Variants in SDHC observed in about 807,000 individuals in gnomAD.
SDHC encodes the protein succinate dehydrogenase complex subunit C.
Under a neutral mutation model 22.6 loss-of-function variants are expected in SDHC, and 11 were observed. The observed-to-expected ratio is 0.49, with a 90% CI of 0.31 to 0.81. The LOEUF (loss-of-function observed/expected upper bound fraction) is 0.81, where lower values mean the gene tolerates loss of function less well. Ranked by LOEUF, SDHC falls within the 30% of genes least tolerant of loss-of-function variation. The probability of loss-of-function intolerance (pLI) is 0.05; values close to 1 mark genes in which losing one functional copy is unlikely to be tolerated. For synonymous variants in SDHC, 80 were observed against 77.8 expected, an observed-to-expected ratio of 1.03 and a Z score of -0.15; for missense variants, 160 against 212.0, an observed-to-expected ratio of 0.75 and a Z score of 1.52.
intron 5 of SDHC, among the ~76,000 whole-genome samples, chr1:161,357,042 T>C (rs541750681): frequency 1.3e-5 from 2 of 152,216 alleles, no homozygotes; most frequent in African/African-American, 4.8e-5. Flanking sequence ...GAGATTCCTG[T>C]GCCTCAGCCT....
intron 5 of SDHC, among the ~76,000 whole-genome samples, 185 bp from the exon 6 acceptor site, chr1:161,362,144 A>G (rs922198780): frequency 6.6e-6 from 1 of 152,160 alleles, no homozygotes; most frequent in Non-Finnish European, 1.5e-5. Flanking sequence ...GAATAAGTGG[A>G]TAATAGGTTC....
At chr1:161,337,871 A>C (rs1455850424) in intron 3 of SDHC, among the ~76,000 whole-genome samples, 1 of 152,192 alleles carries the variant, frequency 6.6e-6, no homozygotes, top group African/African-American at 2.4e-5. Flanking sequence ...TTAGGGTTTC[A>C]AGTCTTTCAG....
At chr1:161,356,058 C>A (rs1241317906) in intron 4 of SDHC, among the ~76,000 whole-genome samples, 1 of 150,828 alleles carries the variant, frequency 6.6e-6, no homozygotes, top group Non-Finnish European at 1.5e-5. Flanking sequence ...CTGTTTTTAC[C>A]TTTTCTTAGT....
At chr1:161,342,068 T>C (rs930837116) in intron 4 of SDHC, among the ~76,000 whole-genome samples, 1 of 152,232 alleles carries the variant, frequency 6.6e-6, no homozygotes, top group Non-Finnish European at 1.5e-5. Context: ...CCCCTGCATA[T>C]TGACTATAAT....
chr1:161,333,643 C>T (rs1274105372), intron 3 of SDHC, among the ~76,000 whole-genome samples: 2 of 152,130 alleles, frequency 1.3e-5, no homozygotes, highest in Non-Finnish European at 2.9e-5. Context: ...ACCTCATGAT[C>T]CACCTGCCTC....
chr1:161,351,604 A>C (rs1373211293), intron 4 of SDHC, among the ~76,000 whole-genome samples: 1 of 152,208 alleles, frequency 6.6e-6, no homozygotes, highest in African/African-American at 2.4e-5. Flanking sequence ...TGACTGCTAC[A>C]TCTTAGTCCT....
chr1:161,330,744 A>C (rs1671241686), intron 3 of SDHC, among the ~76,000 whole-genome samples: 1 of 152,158 alleles, frequency 6.6e-6, no homozygotes, highest in Non-Finnish European at 1.5e-5. Flanking sequence ...TCACATCTGT[A>C]ATCCTAGCAC....
chr1:161,314,804 G>A (rs961838782), intron 1 of SDHC: 2 of 251,950 alleles, frequency 7.9e-6, no homozygotes, highest in African/African-American at 2.2e-5. Flanking sequence ...TAGACATTTA[G>A]CTTCGGAGAG....
intron 4 of SDHC, among the ~76,000 whole-genome samples, chr1:161,341,043 C>T (rs1671702225): frequency 6.6e-6 from 1 of 152,158 alleles, no homozygotes; most frequent in African/African-American, 2.4e-5. Flanking sequence ...CGGGGTTTCA[C>T]CATGTTAGCC....
chr1:161,321,320 T>G (rs558794879), intron 1 of SDHC, among the ~76,000 whole-genome samples: 1 of 152,344 alleles, frequency 6.6e-6, no homozygotes, highest in South Asian at 2.1e-4. Flanking sequence ...TGTTTTCACA[T>G]GAAAGGGAAG....
intron 4 of SDHC, among the ~76,000 whole-genome samples, chr1:161,355,653 T>A (rs1222740181): frequency 6.6e-6 from 1 of 152,098 alleles, no homozygotes; most frequent in Non-Finnish European, 1.5e-5. Flanking sequence ...GATTTAAAAT[T>A]TTTCCTCTCT....
At chr1:161,320,228 G>T (rs1402864611) in intron 1 of SDHC, among the ~76,000 whole-genome samples, 1 of 152,028 alleles carries the variant, frequency 6.6e-6, no homozygotes, top group Non-Finnish European at 1.5e-5. Flanking sequence ...CATATGGGGG[G>T]GGTGGTGAAA....
intron 4 of SDHC, 77 bp downstream of exon 4, chr1:161,340,732 C>A: frequency 1.8e-6 from 2 of 1,097,092 alleles, no homozygotes; most frequent in Non-Finnish European, 2.8e-6. Context: ...TAGTCTCCGC[C>A]TCCTTTGAAA....
At chr1:161,356,196 TCCCAA>T (rs1355030486) in intron 4 of SDHC, among the ~76,000 whole-genome samples, 1 of 152,070 alleles carries the variant, frequency 6.6e-6, no homozygotes, top group African/African-American at 2.4e-5. Flanking sequence ...TATGATGAGA[TCCCAA>T]GTAGTCTGTC....
intron 4 of SDHC, among the ~76,000 whole-genome samples, chr1:161,356,427 T>C (rs1187906644): frequency 6.6e-6 from 1 of 152,044 alleles, no homozygotes; most frequent in African/African-American, 2.4e-5. Context: ...TCATCCCCAC[T>C]ACTCAGGAGG....
chr1:161,337,071 T>C (rs1671520769), intron 3 of SDHC, among the ~76,000 whole-genome samples: 1 of 151,282 alleles, frequency 6.6e-6, no homozygotes, highest in African/African-American at 2.4e-5. Context: ...GTTTTTTTTT[T>C]TTTTTTGCCA....
intron 4 of SDHC, among the ~76,000 whole-genome samples, chr1:161,349,612 A>T (rs1448107232): frequency 6.6e-6 from 1 of 152,252 alleles, no homozygotes; most frequent in African/African-American, 2.4e-5. Context: ...AGATTTACAG[A>T]TTCATAAAGT....
chr1:161,335,165 G>A (rs1030244233), intron 3 of SDHC, among the ~76,000 whole-genome samples: 1 of 152,030 alleles, frequency 6.6e-6, no homozygotes, highest in Admixed American at 6.6e-5. Flanking sequence ...TGCATTTTTG[G>A]CAGGAATACC....
At position 161,323,698 on chromosome 1, in the gene SDHC, A is replaced by AT. The variant is rs371604278; in HGVS notation, c.77+31dup. 3,353 of 1,522,816 alleles carry AT rather than the reference A, an allele frequency of 2.2e-3. 3 individuals carry two copies. The highest frequency in any genetic ancestry group is 0.01 in the East Asian group (424 of 40,536). The allele number at this position is 1,522,816 out of a possible 1,614,324, so 94.3% of individuals were successfully genotyped here. A position where few individuals can be genotyped will look rare whatever the true frequency, so the allele number is the denominator to read the frequency against. ...AAGTTTCTAAGTCTGGAGATTATTTATTTATTTTTTTTTTTGAGACGGAGT... is the reference window on the plus strand; with the variant it reads ...AAGTTTCTAAGTCTGGAGATTATTTATTTTATTTTTTTTTTTGAGACGGAGT... On this transcript the variant is annotated intron_variant, in intron 2 of 5. Transcript: ENST00000367975.
Sources: allele counts gnomAD v4.1 joint callset (sites outside exome capture counted in the v4.1 genomes callset), GRCh38; gene constraint gnomAD v4.1.1; transcripts MANE v1.5; gene names NCBI Gene and HGNC (gene_info 2026-07-23, HGNC 2026-07-21).